Variants in TCTN1 observed in about 807,000 individuals in gnomAD.
TCTN1 encodes the protein tectonic-1.
TCTN1 carries 58 observed loss-of-function variants against 65.8 expected under a neutral mutation model. The ratio of observed to expected loss-of-function variants is 0.88; its 90% CI spans 0.71 to 1.10. The LOEUF (loss-of-function observed/expected upper bound fraction) is 1.10, where lower values mean the gene tolerates loss of function less well. Ranked by LOEUF, TCTN1 falls within the 50% of genes least tolerant of loss-of-function variation. The probability of loss-of-function intolerance (pLI) is 0.00; values close to 1 mark genes in which losing one functional copy is unlikely to be tolerated. For synonymous variants in TCTN1, 273 were observed against 289.1 expected (o/e 0.94, Z 0.57); for missense variants, 645 against 719.4 (o/e 0.90, Z 1.18).
chr12:110,620,810 C>CTTTTTTTTT (rs1216049794), intron 2 of TCTN1, among the ~76,000 whole-genome samples: 8 of 133,330 alleles, frequency 6.0e-5, no homozygotes, highest in Admixed American at 1.5e-4. Flanking sequence ...TTCAAGGCTT[C>CTTTTTTTTT]TTTTTTTTTT....
At chr12:110,614,861 T>G (rs2064926526) in intron 1 of TCTN1, among the ~76,000 whole-genome samples, 1 of 152,176 alleles carries the variant, frequency 6.6e-6, no homozygotes, top group South Asian at 2.1e-4. Context: ...ATTCCTCCTG[T>G]GTTGAATTGG....
At chr12:110,620,629 G>A (rs904797204) in intron 2 of TCTN1, among the ~76,000 whole-genome samples, 1 of 151,948 alleles carries the variant, frequency 6.6e-6, no homozygotes, top group Non-Finnish European at 1.5e-5. Context: ...CTTTTGTTGT[G>A]GACATAGTAT....
At position 110,645,609 on chromosome 12, in the gene TCTN1, T is replaced by TG. The variant is rs750838573; in HGVS notation, c.1494+481dup. On this transcript the variant is annotated intron_variant, in intron 12 of 14. Coordinates refer to ENST00000397659, the MANE Select transcript of TCTN1 (RefSeq NM_001082538.3). The stretch of plus-strand genomic sequence containing the variant: ...TGTGGCTCTCCCACCCATTGTCCCC[T>TG]GTTCTACACAGGCAGCCCACACCTG... 4.5e-5 allele frequency: 9 copies of TG among 198,476 alleles called. No homozygotes were observed. The East Asian group carries it at 5.1e-4, about 11-fold the overall frequency. The allele number at this position is 198,476 out of a possible 1,614,324, so 12.3% of individuals were successfully genotyped here. A position where few individuals can be genotyped will look rare whatever the true frequency, so the allele number is the denominator to read the frequency against.
In TCTN1 at chr12:110,647,677, GAA is replaced by G. The variant is rs747427330; in HGVS notation, c.1636-69_1636-68del. 6 of 1,607,372 alleles carry G rather than the reference GAA, an allele frequency of 3.7e-6. No homozygotes were observed. In the Admixed American group the frequency reaches 8.3e-5, roughly 22 times the overall value. On this transcript the variant is annotated intron_variant, in intron 13 of 14. Coordinates refer to ENST00000397659, the MANE Select transcript of TCTN1 (RefSeq NM_001082538.3). ...ACAGTAGTTGGGTGAGGAAGAGAAT[GAA>G]AAGTGTCTCATTGTTGTCATTCTGG...
chr12:110,623,369 C>T (rs931617378), intron 2 of TCTN1, among the ~76,000 whole-genome samples: 1 of 152,156 alleles, frequency 6.6e-6, no homozygotes, highest in Non-Finnish European at 1.5e-5. Context: ...CTTTAAGGCC[C>T]AGTAAAAACG....
intron 1 of TCTN1, chr12:110,616,624 T>C (rs2065055301): frequency 5.9e-6 from 1 of 169,562 alleles, no homozygotes; most frequent in Non-Finnish European, 1.3e-5. Context: ...CTGTTCACTG[T>C]GTGGCAGGCA....
intron 4 of TCTN1, chr12:110,629,201 T>C (rs2066058740): frequency 2.0e-6 from 1 of 503,804 alleles, no homozygotes; most frequent in Non-Finnish European, 3.5e-6. Context: ...ACATCATGAG[T>C]AAAACAACCA....
rs749337251 is a variant in TCTN1 at position 110,619,805 on chromosome 12, G to C, written c.221-31G>C. Reference sequence around the variant, plus strand: ...GCAGTCACCACCTGCTGATGGTGATGTTCTGGATCCTACCCCTCTTTTTTC... The same window carrying C: ...GCAGTCACCACCTGCTGATGGTGATCTTCTGGATCCTACCCCTCTTTTTTC... On this transcript the variant is annotated intron_variant, in intron 1 of 14. Coordinates refer to ENST00000397659, the MANE Select transcript of TCTN1 (RefSeq NM_001082538.3). 6 of 1,613,768 alleles carry C rather than the reference G, an allele frequency of 3.7e-6. No homozygotes were observed. The South Asian group carries it at 6.6e-5, about 18-fold the overall frequency.
chr12:110,618,754 T>C (rs542600569), intron 1 of TCTN1, among the ~76,000 whole-genome samples: 28 of 152,326 alleles, frequency 1.8e-4, no homozygotes, highest in Admixed American at 1.4e-3. Context: ...ATTGCAACTA[T>C]AAATTCATTC....
intron 2 of TCTN1, among the ~76,000 whole-genome samples, chr12:110,621,969 G>A (rs1435707660): frequency 6.6e-6 from 1 of 151,364 alleles, no homozygotes; most frequent in Non-Finnish European, 1.5e-5. Flanking sequence ...GAAACCCCGT[G>A]TCTACTAAAA....
intron 6 of TCTN1, among the ~76,000 whole-genome samples, chr12:110,635,043 A>G (rs886741877): frequency 1.3e-5 from 2 of 152,218 alleles, no homozygotes; most frequent in African/African-American, 4.8e-5. Context: ...GAATAAAAAC[A>G]AATCTTTACG....
intron 1 of TCTN1, 153 bp downstream of exon 1, chr12:110,614,555 A>G (rs2064904175): frequency 6.9e-7 from 1 of 1,448,302 alleles, no homozygotes; most frequent in South Asian, 1.2e-5. Flanking sequence ...TCTCTAAACA[A>G]TAACCCTGAG....
chr12:110,641,327 C>T (rs2136133540), intron 9 of TCTN1, among the ~76,000 whole-genome samples, 178 bp downstream of exon 9: 1 of 152,224 alleles, frequency 6.6e-6, no homozygotes, highest in South Asian at 2.1e-4. Flanking sequence ...ATCTTTTTTC[C>T]TTTTGGGAAA....
In TCTN1 at chr12:110,645,120, C is replaced by T. The variant is rs2067211269; in HGVS notation, c.1485C>T (p.Phe495=). 6.2e-7 allele frequency: 1 copy of T among 1,613,876 alleles called. No individual in the cohort carries two copies. Residue 495 remains phenylalanine (F), a synonymous_variant, in exon 12 of 15, where the codon TTC becomes TTT. Transcript: ENST00000397659. ...WVPIHFITQS[F]NRKHFVLQDS... ...CCATCCACTTCATCACCCAGTCATT[C>T]AACAGGAAGGTAAAGGGGAGAAGGT...
rs1305265141 is a variant in TCTN1, at chr12:110,614,265, C to T, written c.83C>T (p.Pro28Leu). ...GTGAGCGCCCAGACCGATGCCACCC[C>T]GGCGGTGACGACAGAGGGCCTCAAC... Reference protein sequence around the residue: ...ASVSAQTDATPAVTTEGLNST... With the variant: ...ASVSAQTDATLAVTTEGLNST... Residue 28 changes from proline (P) to leucine (L), a missense_variant, in exon 1 of 15, where the codon CCG (proline) becomes CTG (leucine). Physicochemically the swap from Pro to Leu is moderately conservative, Grantham distance 98. Transcript: ENST00000397659. The T allele has an allele frequency of 1.9e-6, 3 of 1,595,332 alleles. No homozygotes were observed. Among genetic ancestry groups the T allele is most frequent in the Non-Finnish European group, 2.6e-6 (3 of 1,171,768 alleles).
intron 2 of TCTN1, among the ~76,000 whole-genome samples, chr12:110,622,114 G>A (rs949805030): frequency 2.6e-5 from 4 of 151,598 alleles, no homozygotes; most frequent in Non-Finnish European, 5.9e-5. Context: ...TCTAGCCCGG[G>A]CAACAAGAGC....
chr12:110,636,918 C>T (rs542232843), intron 7 of TCTN1, among the ~76,000 whole-genome samples: 42 of 152,374 alleles, frequency 2.8e-4, no homozygotes, highest in Admixed American at 1.6e-3. Flanking sequence ...AGGCGTGCCC[C>T]GTGGTATACC....
At position 110,640,968 on chromosome 12, in the gene TCTN1, T is replaced by C. The variant is rs2066911538; in HGVS notation, c.979-56T>C. ...ATCTATGGGTGTTTTCAGTTATTCA[T>C]ACAGCTTCTGAAATGTAATGGAACA... On this transcript the variant is annotated intron_variant, in intron 8 of 14. Coordinates refer to ENST00000397659, the MANE Select transcript of TCTN1 (RefSeq NM_001082538.3). This position sits in a 1 kb window ranked among gnomAD's most constrained non-coding sequence, Gnocchi z 4.9. The C allele has an allele frequency of 3.1e-6, 5 of 1,612,434 alleles. No homozygotes were observed. In the Admixed American group the frequency reaches 6.7e-5, roughly 21 times the overall value.
chr12:110,619,820 C>T lies in TCTN1; in HGVS notation c.221-16C>T. 1.2e-6 allele frequency: 2 copies of T among 1,613,978 alleles called. No individual in the cohort carries two copies. The highest frequency in any genetic ancestry group is 1.7e-6 in the Non-Finnish European group (2 of 1,180,004). Reference sequence around the variant, plus strand: ...TGATGGTGATGTTCTGGATCCTACCCCTCTTTTTTCTGCAGTTGCTGTTCT... The same window carrying T: ...TGATGGTGATGTTCTGGATCCTACCTCTCTTTTTTCTGCAGTTGCTGTTCT... On this transcript the variant is annotated splice_polypyrimidine_tract_variant and intron_variant, in intron 1 of 14. Transcript: ENST00000397659.
Sources: gnomAD v4.1 joint callset for allele counts (sites outside exome capture counted in the v4.1 genomes callset) on GRCh38, gnomAD v4.1.1 for gene constraint, Gnocchi (gnomAD v3.1) non-coding constraint, MANE v1.5 for transcripts, NCBI Gene and HGNC (gene_info 2026-07-23, HGNC 2026-07-21) for gene names.